Variants in PSMD6 observed in about 807,000 individuals in gnomAD.
The protein encoded by PSMD6 is 26S proteasome non-ATPase regulatory subunit 6.
Under a neutral mutation model 44.9 loss-of-function variants are expected in PSMD6, and 7 were observed. That is an observed-to-expected ratio of 0.16 (90% CI 0.09 to 0.29). The LOEUF (loss-of-function observed/expected upper bound fraction) is 0.29, where lower values mean the gene tolerates loss of function less well. Among genes scored for constraint, PSMD6 ranks in the 10% least tolerant of loss-of-function variants. PSMD6 has a pLI of 1.00. For missense variants in PSMD6, 420 were observed against 482.6 expected, an observed-to-expected ratio of 0.87 and a Z score of 1.21; for synonymous variants, 184 against 172.7, an observed-to-expected ratio of 1.07 and a Z score of -0.51.
intron 5 of PSMD6, chr3:64,014,004 A>G (rs1343730760): frequency 6.4e-6 from 1 of 155,982 alleles, no homozygotes; most frequent in Non-Finnish European, 1.4e-5. Flanking sequence ...TATACAGACC[A>G]GAAAAAAGGT....
At chr3:64,017,838 A>G (rs1294965685) in intron 5 of PSMD6, 1 of 152,222 alleles carries the variant, frequency 6.6e-6, no homozygotes, top group Non-Finnish European at 1.5e-5. Context: ...TTGCAGCATA[A>G]ACAAAATATA....
intron 6 of PSMD6, 175 bp from the exon 7 acceptor site, chr3:64,011,130 C>CATCTACTAGAATA: frequency 1.9e-6 from 1 of 522,010 alleles, no homozygotes; most frequent in Non-Finnish European, 3.4e-6. Flanking sequence ...TTTAAGTCAT[C>CATCTACTAGAATA]ATCTACTAGA....
intron 6 of PSMD6, 156 bp from the exon 7 acceptor site, chr3:64,011,111 A>G (rs1476154984): frequency 3.4e-6 from 2 of 581,732 alleles, no homozygotes; most frequent in South Asian, 2.4e-5. Context: ...TCCCTCCTAT[A>G]CTGCAGGCTT....
At chr3:64,020,689 T>A (rs1280448823) in intron 2 of PSMD6, among the ~76,000 whole-genome samples, 1 of 152,228 alleles carries the variant, frequency 6.6e-6, no homozygotes. Flanking sequence ...AGGCACTTAC[T>A]ATGTGCTAGG....
chr3:64,017,036 A>T (rs1373638751), intron 5 of PSMD6: 1 of 152,250 alleles, frequency 6.6e-6, no homozygotes, highest in African/African-American at 2.4e-5. Flanking sequence ...TATAAAGTGA[A>T]AGAAGCCAGG....
At chr3:64,011,168 CAGATAGAT>C (rs376191619) in intron 6 of PSMD6, 1 of 426,820 alleles carries the variant, frequency 2.3e-6, no homozygotes, top group African/African-American at 2.0e-5. Context: ...AGTTCATATT[CAGATAGAT>C]AGAAAGTAGA....
At chr3:64,015,671 C>CACAAT (rs1468184030) in intron 5 of PSMD6, 1 of 152,138 alleles carries the variant, frequency 6.6e-6, no homozygotes, top group African/African-American at 2.4e-5. Context: ...AAAATACATC[C>CACAAT]ACAATACACA....
intron 2 of PSMD6, 22 bp from the exon 3 acceptor site, chr3:64,019,463 T>G (rs1391230477): frequency 6.2e-7 from 1 of 1,602,058 alleles, no homozygotes; most frequent in Admixed American, 1.8e-5. Flanking sequence ...GCCAAGGCAA[T>G]AGGTGAGAAA....
intron 6 of PSMD6, chr3:64,011,560 G>T (rs1254978357): frequency 2.0e-5 from 3 of 151,764 alleles, no homozygotes; most frequent in Admixed American, 2.0e-4. Flanking sequence ...AGGTATCACA[G>T]AAATTTAAAA....
At position 64,010,653 on chromosome 3, in the gene PSMD6, G is replaced by C; in HGVS notation, c.*15C>G. ...TAATTATCTCTAAAGCAAATCCTTT[G>C]TTAGTTACATGGCTTTACATATTAA... On this transcript the variant is annotated 3_prime_UTR_variant, in exon 8 of 8. Transcript: ENST00000295901. 6.5e-7 allele frequency: 1 copy of C among 1,533,520 alleles called. No homozygotes were observed. The highest frequency in any genetic ancestry group is 9.0e-7 in the Non-Finnish European group (1 of 1,116,008). The allele number at this position is 1,533,520 out of a possible 1,614,324, so 95.0% of individuals were successfully genotyped here.
chr3:64,017,913 A>G (rs140682323), intron 5 of PSMD6, among the ~76,000 whole-genome samples: 283 of 152,302 alleles, frequency 1.9e-3, no homozygotes, highest in Middle Eastern at 6.8e-3. Flanking sequence ...TGATTCTTCT[A>G]TCATCTTAAT....
At chr3:64,022,179 T>G (rs2076143125) in intron 2 of PSMD6, 139 bp downstream of exon 2, 1 of 917,010 alleles carries the variant, frequency 1.1e-6, no homozygotes, top group African/African-American at 1.7e-5. Context: ...TTACATTGAT[T>G]CACCAGTACA....
At chr3:64,022,575 C>CA (rs1423596531) in intron 1 of PSMD6, 52 bp from the exon 2 acceptor site, 1 of 1,605,286 alleles carries the variant, frequency 6.2e-7, no homozygotes, top group Admixed American at 1.7e-5. Context: ...GCCCTCAAGT[C>CA]AAAGTCTGCC....
Position 64,022,500 on chromosome 3 carries a change from A to C in PSMD6, c.169T>G (p.Leu57Val). 1.9e-6 allele frequency: 3 copies of C among 1,613,838 alleles called. No individual in the cohort carries two copies. Among genetic ancestry groups the C allele is most frequent in the Non-Finnish European group, 2.5e-6 (3 of 1,179,696 alleles). ...DNNMAPYYEA[L>V]CKSLDWQIDV... is the part of the protein sequence containing the mutation. ...ATCTGCCAGTCGAGGGATTTGCACA[A>C]GGCTTCATAGTAAGGAGCCATGTCT... The change falls in exon 2 of 8, where the codon TTG becomes GTG. Residue 57 changes from leucine to valine, a missense_variant. Leu to Val is a conservative substitution (Grantham distance 32). Transcript: ENST00000295901.
chr3:64,018,388 A>G (rs767021411), intron 5 of PSMD6: 27 of 410,770 alleles, frequency 6.6e-5, no homozygotes, highest in Non-Finnish European at 1.1e-4. Context: ...AAATGTAAAA[A>G]TCATTCTTAC....
At chr3:64,013,835 A>G (rs550768344) in intron 5 of PSMD6, 6 of 371,622 alleles carry the variant, frequency 1.6e-5, no homozygotes, top group Non-Finnish European at 2.9e-5. Flanking sequence ...TGACATCACT[A>G]TCAGAGCTCA....
intron 5 of PSMD6, 139 bp downstream of exon 5, chr3:64,018,460 T>G: frequency 1.6e-6 from 1 of 626,848 alleles, no homozygotes; most frequent in Non-Finnish European, 2.8e-6. Context: ...ACTGGGCACA[T>G]TAGGAATACT....
intron 5 of PSMD6, chr3:64,014,342 A>AAAC (rs2076011014): frequency 6.6e-6 from 1 of 152,190 alleles, no homozygotes; most frequent in South Asian, 2.1e-4. Context: ...GCTGCCACAA[A>AAAC]AACTAAATTT....
intron 5 of PSMD6, chr3:64,016,159 C>A (rs967800112): frequency 2.6e-5 from 4 of 151,774 alleles, no homozygotes; most frequent in South Asian, 2.1e-4. Flanking sequence ...TGCACTCCAG[C>A]CTGGGCGACA....
Sources: allele counts gnomAD v4.1 joint callset (sites outside exome capture counted in the v4.1 genomes callset), GRCh38; gene constraint gnomAD v4.1.1; transcripts MANE v1.5; gene names NCBI Gene and HGNC (gene_info 2026-07-23, HGNC 2026-07-21).